Variants in ELL observed in about 807,000 individuals in gnomAD.
The protein encoded by ELL is RNA polymerase II elongation factor ELL.
ELL carries 18 observed loss-of-function variants against 64.0 expected under a neutral mutation model. The ratio of observed to expected loss-of-function variants is 0.28; its 90% CI spans 0.19 to 0.42. The LOEUF (loss-of-function observed/expected upper bound fraction) is 0.42. ELL is among the 10% of genes least tolerant of loss of function. The probability of loss-of-function intolerance (pLI) is 1.00; values close to 1 mark genes in which losing one functional copy is unlikely to be tolerated. For missense variants in ELL, 797 were observed against 870.4 expected, an observed-to-expected ratio of 0.92 and a Z score of 1.06; for synonymous variants, 399 against 376.2, an observed-to-expected ratio of 1.06 and a Z score of -0.70.
At chr19:18,495,396 G>A (rs554010998) in intron 1 of ELL, among the ~76,000 whole-genome samples, 1 of 152,178 alleles carries the variant, frequency 6.6e-6, no homozygotes, top group Non-Finnish European at 1.5e-5. Context: ...AAAAGCCCAA[G>A]CAGGAGTTGG....
At position 18,451,303 on chromosome 19, in the gene ELL, A is replaced by G. The variant is rs571415133; in HGVS notation, c.966+249T>C. Among the ~76,000 whole-genome samples the G allele has an allele frequency of 2.6e-5, 4 of 152,298 alleles. No homozygotes were observed. The South Asian group carries it at 8.3e-4, about 32-fold the overall frequency. ...GAGCAGGAAGCCCAGGGTTGAGCCC[A>G]CATCAGGGAGCCGCCCCCCGTCCCA... On this transcript the variant is annotated intron_variant, in intron 7 of 11. Coordinates refer to ENST00000262809, the MANE Select transcript of ELL (RefSeq NM_006532.4).
chr19:18,473,219 C>T, intron 1 of ELL: 1 of 592,544 alleles, frequency 1.7e-6, no homozygotes. Flanking sequence ...CCTGTGAATC[C>T]ACCGGGAGAG....
At chr19:18,505,283 G>A (rs1321029716) in intron 1 of ELL, among the ~76,000 whole-genome samples, 3 of 152,174 alleles carry the variant, frequency 2.0e-5, no homozygotes, top group African/African-American at 7.2e-5. Flanking sequence ...AACTAGTTAG[G>A]CTCTTGTTAG....
intron 1 of ELL, among the ~76,000 whole-genome samples, chr19:18,484,791 A>C (rs536202134): frequency 2.0e-5 from 3 of 152,308 alleles, no homozygotes; most frequent in Non-Finnish European, 4.4e-5. Flanking sequence ...ACTAAAACTC[A>C]CCAACAACAG....
chr19:18,470,840 G>A (rs1471421103), intron 2 of ELL: 5 of 395,672 alleles, frequency 1.3e-5, no homozygotes, highest in Non-Finnish European at 2.5e-5. Flanking sequence ...CTGGAGGTCT[G>A]CAGCCAGCCC....
intron 10 of ELL, 72 bp downstream of exon 10, chr19:18,446,237 C>T (rs1436378143): frequency 1.3e-5 from 15 of 1,144,286 alleles, no homozygotes; most frequent in South Asian, 5.0e-5. Flanking sequence ...CTCGTGGTGG[C>T]GATGGTGCGC....
intron 1 of ELL, among the ~76,000 whole-genome samples, chr19:18,514,221 G>A (rs923632638): frequency 6.6e-6 from 1 of 151,756 alleles, no homozygotes; most frequent in African/African-American, 2.4e-5. Context: ...TCATTAAAAA[G>A]CAAAGTGACA....
Position 18,467,995 on chromosome 19 carries a change from CCA to C in ELL, c.184-2079_184-2078del, listed in dbSNP as rs1330886609. On this transcript the variant is annotated intron_variant, in intron 2 of 11. Coordinates refer to ENST00000262809, the MANE Select transcript of ELL (RefSeq NM_006532.4). The stretch of plus-strand genomic sequence containing the variant: ...CCGACAGCACCACACACAACCTCCC[CCA>C]CACACAAACACAACCCACACACACA... Among the ~76,000 whole-genome samples the C allele has an allele frequency of 7.8e-4, 115 of 148,158 alleles. 1 individual carries two copies. The highest frequency in any genetic ancestry group is 3.6e-4 in the Non-Finnish European group (24 of 66,814).
chr19:18,454,480 C>T (rs879700275), intron 6 of ELL, among the ~76,000 whole-genome samples: 7 of 151,518 alleles, frequency 4.6e-5, no homozygotes, highest in Admixed American at 6.6e-5. Flanking sequence ...GCCTGGGTGA[C>T]GAGCAAGACT....
chr19:18,491,050 T>C (rs1007014198), intron 1 of ELL, among the ~76,000 whole-genome samples: 3 of 152,144 alleles, frequency 2.0e-5, no homozygotes, highest in Non-Finnish European at 2.9e-5. Flanking sequence ...TGAAGGTATT[T>C]TTCAGATGAG....
At chr19:18,519,916 T>C (rs902002020) in intron 1 of ELL, among the ~76,000 whole-genome samples, 3 of 151,496 alleles carry the variant, frequency 2.0e-5, no homozygotes, top group African/African-American at 7.3e-5. Context: ...CAAAATATAA[T>C]CCAGCCAGCC....
At chr19:18,470,441 G>A (rs1384333182) in intron 2 of ELL, among the ~76,000 whole-genome samples, 1 of 152,220 alleles carries the variant, frequency 6.6e-6, no homozygotes, top group African/African-American at 2.4e-5. Flanking sequence ...GCACTGTGGG[G>A]CTGCTCTGGC....
chr19:18,449,972 G>GT lies in ELL; in HGVS notation c.1465+504dup, dbSNP rs1974487018. 6.8e-6 allele frequency among the ~76,000 whole-genome samples: 1 copy of GT among 148,116 alleles called. No individual in the cohort carries two copies. Among genetic ancestry groups the GT allele is most frequent in the Non-Finnish European group, 1.5e-5 (1 of 66,630 alleles). On this transcript the variant is annotated intron_variant, in intron 8 of 11. Transcript: ENST00000262809. This position sits in a 1 kb window ranked among gnomAD's most constrained non-coding sequence, Gnocchi z 4.4. ...CAGCAGAAACCTACAGTCCACAACA[G>GT]TCGCACGGTGCCTACAGAGGTCCAG...
chr19:18,473,119 G>A (rs1438658646), intron 1 of ELL: 1 of 679,496 alleles, frequency 1.5e-6, no homozygotes, highest in East Asian at 2.7e-5. Flanking sequence ...TGACAGGTAA[G>A]AATGGGGCCT....
intron 1 of ELL, among the ~76,000 whole-genome samples, chr19:18,494,876 A>G (rs1218011296): frequency 6.6e-6 from 1 of 152,098 alleles, no homozygotes; most frequent in African/African-American, 2.4e-5. Flanking sequence ...CCACTTCCCT[A>G]GCCGGGTGGC....
rs1974363504 is a variant in ELL, at chr19:18,444,335, C to T, written c.*417G>A. ...CCCTGGGTGTCCGAGGAGAGGGAGG[C>T]ACAGGTTTAGAAAAAAGATTTTGCT... On this transcript the variant is annotated 3_prime_UTR_variant, in exon 12 of 12. Coordinates refer to ENST00000262809, the MANE Select transcript of ELL (RefSeq NM_006532.4). 1.7e-5 allele frequency: 4 copies of T among 240,550 alleles called. No individual in the cohort carries two copies. The highest frequency in any genetic ancestry group is 2.5e-5 in the Non-Finnish European group (3 of 122,260). 14.9% of individuals were successfully genotyped at this position (240,550 alleles called of 1,614,324 possible).
intron 6 of ELL, among the ~76,000 whole-genome samples, chr19:18,457,755 CT>C (rs1974712947): frequency 6.6e-6 from 1 of 152,200 alleles, no homozygotes; most frequent in Non-Finnish European, 1.5e-5. Context: ...TTAATTAACG[CT>C]GCTTAATGAC....
intron 4 of ELL, among the ~76,000 whole-genome samples, chr19:18,463,780 C>CAGGAG (rs1974881179): frequency 6.6e-6 from 1 of 151,434 alleles, no homozygotes; most frequent in South Asian, 2.1e-4. Flanking sequence ...AGATCGAGAC[C>CAGGAG]GTCCTGGCTA....
chr19:18,467,789 C>A (rs1974976084), intron 2 of ELL, among the ~76,000 whole-genome samples: 1 of 107,722 alleles, frequency 9.3e-6, no homozygotes, highest in Non-Finnish European at 1.9e-5. Context: ...CAACCCCCCA[C>A]AACCACACAA....
Sources: gnomAD v4.1 joint callset for allele counts (sites outside exome capture counted in the v4.1 genomes callset) on GRCh38, gnomAD v4.1.1 for gene constraint, Gnocchi (gnomAD v3.1) non-coding constraint, MANE v1.5 for transcripts, NCBI Gene and HGNC (gene_info 2026-07-23, HGNC 2026-07-21) for gene names.